The following TMEM116 variants were observed in gnomAD, a reference collection of about 807,000 sequenced individuals.
The protein encoded by TMEM116 is transmembrane protein 116.
Under a neutral mutation model 44.3 loss-of-function variants are expected in TMEM116, and 38 were observed. The ratio of observed to expected loss-of-function variants is 0.86; its 90% CI spans 0.66 to 1.12. The LOEUF is 1.12. TMEM116 is among the 50% of genes most tolerant of loss of function. The probability of loss-of-function intolerance (pLI) is 0.00; values close to 1 mark genes in which losing one functional copy is unlikely to be tolerated. For synonymous variants in TMEM116, 132 were observed against 144.8 expected (o/e 0.91, Z 0.64); for missense variants, 354 against 401.7 (o/e 0.88, Z 1.01).
chr12:112,005,680 G>A, intron 1 of TMEM116: 16 of 985,832 alleles, frequency 1.6e-5, no homozygotes, highest in Non-Finnish European at 1.8e-5. Context: ...AAACCTGGGA[G>A]AGAAAACTAA....
At chr12:111,980,583 G>A (rs1486939339) in intron 4 of TMEM116, among the ~76,000 whole-genome samples, 1 of 152,054 alleles carries the variant, frequency 6.6e-6, no homozygotes, top group Non-Finnish European at 1.5e-5. Context: ...GAATAATAAT[G>A]TACCAATATG....
chr12:111,995,983 T>G (rs888498155), intron 3 of TMEM116, among the ~76,000 whole-genome samples: 6 of 142,434 alleles, frequency 4.2e-5, no homozygotes, highest in African/African-American at 1.6e-4. Context: ...AAGGCTGCAG[T>G]GAGCCATGAT....
At chr12:112,012,213 C>G (rs2077872605) in intron 1 of TMEM116, 1 of 152,224 alleles carries the variant, frequency 6.6e-6, no homozygotes, top group Non-Finnish European at 1.5e-5. Flanking sequence ...AAAGTCACCT[C>G]CTGTCTACAA....
At chr12:111,948,425 A>G (rs2073448287) in intron 4 of TMEM116, among the ~76,000 whole-genome samples, 1 of 152,240 alleles carries the variant, frequency 6.6e-6, no homozygotes. Flanking sequence ...AAGGATGTCT[A>G]GTTTCCCACA....
At chr12:111,993,760 G>A (rs879188669) in intron 3 of TMEM116, 2 of 703,576 alleles carry the variant, frequency 2.8e-6, no homozygotes, top group Admixed American at 3.6e-5. Context: ...AAAGACAGAG[G>A]AGCTGGTTGT....
In TMEM116 at chr12:111,985,474, A is replaced by G. The variant is rs373409015; in HGVS notation, c.210+6284T>C. ...AATAAAATACTTAGGAATAAACTTAACCAAGGACGGAAAAGACTTGTATAC... is the reference window on the plus strand; with the variant it reads ...AATAAAATACTTAGGAATAAACTTAGCCAAGGACGGAAAAGACTTGTATAC... On this transcript the variant is annotated intron_variant, in intron 4 of 10. Coordinates refer to ENST00000552374, the MANE Select transcript of TMEM116 (RefSeq NM_001193531.2). Among the ~76,000 whole-genome samples, 302 of 152,360 alleles carry G rather than the reference A, an allele frequency of 2.0e-3. No homozygotes were observed. The Middle Eastern group carries it at 0.051, about 26-fold the overall frequency.
At position 112,003,759 on chromosome 12, in the gene TMEM116, C is replaced by G. The variant is rs974176661; in HGVS notation, c.78+41G>C. On this transcript the variant is annotated intron_variant, in intron 3 of 10. Transcript: ENST00000552374. ...CTGTTATTTGTTTCAGAGACTAGGT[C>G]AATAAAAAGTTCAAATCCAACACAA... is the stretch of plus-strand genomic sequence containing the variant. The G allele has an allele frequency of 4.7e-6, 7 of 1,502,282 alleles. No homozygotes were observed. The African/African-American group carries it at 9.9e-5, about 21-fold the overall frequency. 93.1% of individuals were successfully genotyped at this position (1,502,282 alleles called of 1,614,324 possible).
At chr12:111,970,592 T>G (rs2075275564) in intron 4 of TMEM116, among the ~76,000 whole-genome samples, 1 of 150,684 alleles carries the variant, frequency 6.6e-6, no homozygotes, top group Non-Finnish European at 1.5e-5. Context: ...ATGGGTTTTT[T>G]TTTTTTTTTT....
intron 4 of TMEM116, among the ~76,000 whole-genome samples, chr12:111,990,883 G>A (rs2076523202): frequency 6.6e-6 from 1 of 152,032 alleles, no homozygotes; most frequent in Admixed American, 6.6e-5. Context: ...TTAATTACCT[G>A]GAAATACGGT....
intron 4 of TMEM116, among the ~76,000 whole-genome samples, chr12:111,953,755 C>T (rs956562943): frequency 6.6e-6 from 1 of 152,164 alleles, no homozygotes; most frequent in African/African-American, 2.4e-5. Context: ...CCATCATATT[C>T]CCATTGCAGT....
chr12:111,942,806 G>A (rs934370087), intron 5 of TMEM116, among the ~76,000 whole-genome samples: 4 of 152,100 alleles, frequency 2.6e-5, no homozygotes, highest in Non-Finnish European at 1.5e-5. Context: ...GTGTGTGTAT[G>A]TGTGTGTGAG....
At position 111,957,934 on chromosome 12, in the gene TMEM116, A is replaced by C. The variant is rs577779136; in HGVS notation, c.211-14565T>G. Among the ~76,000 whole-genome samples, 307 of 152,302 alleles carry C rather than the reference A, an allele frequency of 2.0e-3. 2 individuals carry two copies. The highest frequency in any genetic ancestry group is 0.014 in the South Asian group (66 of 4,826). On this transcript the variant is annotated intron_variant, in intron 4 of 10. Coordinates refer to ENST00000552374, the MANE Select transcript of TMEM116 (RefSeq NM_001193531.2). The stretch of plus-strand genomic sequence containing the variant: ...CTCCATTTTGTTCTGTACTAGGAAA[A>C]ATTCTTCTGCCTTGGGATGCTGTTA...
At position 111,972,903 on chromosome 12, in the gene TMEM116, G is replaced by A. The variant is rs570333905; in HGVS notation, c.210+18855C>T. On this transcript the variant is annotated intron_variant, in intron 4 of 10. Coordinates refer to ENST00000552374, the MANE Select transcript of TMEM116 (RefSeq NM_001193531.2). Reference sequence around the variant, plus strand: ...AAAAGAAACAAAACAAAAAAAACACGCCAAGGCAGATGGATCACGAAGTCA... The same window carrying A: ...AAAAGAAACAAAACAAAAAAAACACACCAAGGCAGATGGATCACGAAGTCA... Among the ~76,000 whole-genome samples the A allele has an allele frequency of 5.3e-5, 8 of 151,174 alleles. No homozygotes were observed. In the South Asian group the frequency reaches 6.3e-4, roughly 12 times the overall value.
intron 1 of TMEM116, among the ~76,000 whole-genome samples, chr12:112,010,194 C>G (rs760028314): frequency 6.6e-6 from 1 of 152,160 alleles, no homozygotes; most frequent in African/African-American, 2.4e-5. Flanking sequence ...CTAAAATGTT[C>G]CTCCTTCCAA....
intron 1 of TMEM116, among the ~76,000 whole-genome samples, chr12:112,008,709 C>T (rs371444112): frequency 2.0e-5 from 3 of 152,064 alleles, no homozygotes; most frequent in African/African-American, 4.8e-5. Context: ...CGGTGGAGTA[C>T]GCCTGTAATC....
intron 6 of TMEM116, among the ~76,000 whole-genome samples, chr12:111,937,851 T>A (rs1251152041): frequency 2.0e-5 from 3 of 152,174 alleles, no homozygotes; most frequent in African/African-American, 7.2e-5. Flanking sequence ...CTGAAGGCCA[T>A]CTATTACAAC....
chr12:111,935,787 C>T (rs1477644308), intron 8 of TMEM116: 1 of 152,032 alleles, frequency 6.6e-6, no homozygotes, highest in Non-Finnish European at 1.5e-5. Flanking sequence ...ACTATATGCA[C>T]ATGCCACCAT....
intron 4 of TMEM116, among the ~76,000 whole-genome samples, chr12:111,974,542 C>A (rs1343709792): frequency 1.3e-5 from 2 of 151,696 alleles, no homozygotes; most frequent in East Asian, 3.9e-4. Flanking sequence ...CCTATAATCC[C>A]ACCTACTAGG....
At chr12:111,971,377 GA>G (rs1249373622) in intron 4 of TMEM116, among the ~76,000 whole-genome samples, 1 of 152,016 alleles carries the variant, frequency 6.6e-6, no homozygotes, top group Non-Finnish European at 1.5e-5. Context: ...ATTGGGAGAA[GA>G]GAAATGAAAG....
Sources: gnomAD v4.1 joint callset for allele counts (sites outside exome capture counted in the v4.1 genomes callset) on GRCh38, gnomAD v4.1.1 for gene constraint, MANE v1.5 for transcripts, NCBI Gene and HGNC (gene_info 2026-07-23, HGNC 2026-07-21) for gene names.